Variants in KAT6B observed in about 807,000 individuals in gnomAD.
KAT6B encodes lysine acetyltransferase 6B.
Under a neutral mutation model 187.5 loss-of-function variants are expected in KAT6B, and 10 were observed. The observed-to-expected ratio is 0.05, with a 90% CI of 0.03 to 0.09. The LOEUF is 0.09. Among genes scored for constraint, KAT6B ranks in the 10% least tolerant of loss-of-function variants. KAT6B has a pLI of 1.00. For missense variants in KAT6B, 1,952 were observed against 2,558.9 expected, an observed-to-expected ratio of 0.76 and a Z score of 5.12; for synonymous variants, 861 against 926.8, an observed-to-expected ratio of 0.93 and a Z score of 1.29.
intron 3 of KAT6B, among the ~76,000 whole-genome samples, chr10:74,845,305 A>G (rs947831881): frequency 1.1e-4 from 17 of 151,970 alleles, no homozygotes; most frequent in African/African-American, 3.4e-4. Context: ...AGGTGGGCCA[A>G]TTGCCTGAGT....
chr10:74,999,301 C>T (rs979805858), intron 13 of KAT6B, among the ~76,000 whole-genome samples: 3 of 152,290 alleles, frequency 2.0e-5, no homozygotes, highest in Admixed American at 6.5e-5. Context: ...TTTCACTGTG[C>T]GTTTGGATGT....
chr10:74,899,455 A>G (rs1230562221), intron 3 of KAT6B, among the ~76,000 whole-genome samples: 2 of 151,716 alleles, frequency 1.3e-5, no homozygotes, highest in Non-Finnish European at 2.9e-5. Context: ...GTATATTTTT[A>G]GTAGAGATGG....
chr10:74,952,103 C>T (rs1241405489), intron 3 of KAT6B, among the ~76,000 whole-genome samples: 1 of 152,046 alleles, frequency 6.6e-6, no homozygotes, highest in Non-Finnish European at 1.5e-5. Flanking sequence ...ATCTGTAATC[C>T]CAGCACTTTG....
chr10:74,954,664 A>T (rs1276380064), intron 3 of KAT6B, among the ~76,000 whole-genome samples: 1 of 152,136 alleles, frequency 6.6e-6, no homozygotes, highest in East Asian at 1.9e-4. Context: ...TTCCTTCACT[A>T]GGTCATAATA....
chr10:74,941,768 C>T (rs1231784321), intron 3 of KAT6B, among the ~76,000 whole-genome samples: 2 of 152,184 alleles, frequency 1.3e-5, no homozygotes, highest in African/African-American at 2.4e-5. Flanking sequence ...TTTAACAATA[C>T]AAATGTTAAA....
chr10:74,939,706 A>G (rs1014390814), intron 3 of KAT6B, among the ~76,000 whole-genome samples: 2 of 152,094 alleles, frequency 1.3e-5, no homozygotes, highest in East Asian at 3.9e-4. Context: ...GCTGGAGTCT[A>G]TTTTTTAAAG....
At chr10:74,912,375 G>GATA (rs55816415) in intron 3 of KAT6B, among the ~76,000 whole-genome samples, 5,432 of 145,584 alleles carry the variant, frequency 0.037, 162 homozygotes, top group South Asian at 0.12. Flanking sequence ...ATGGATGGAT[G>GATA]GATAGATAGA....
In KAT6B at chr10:74,993,629, C is replaced by G. The variant is rs1171402017; in HGVS notation, c.2629+4517C>G. Among the ~76,000 whole-genome samples the G allele has an allele frequency of 3.3e-5, 5 of 152,318 alleles. No individual in the cohort carries two copies. The East Asian group carries it at 9.6e-4, about 29-fold the overall frequency. On this transcript the variant is annotated intron_variant, in intron 13 of 17. Coordinates refer to ENST00000287239, the MANE Select transcript of KAT6B (RefSeq NM_012330.4). ...CTTTCTGGAGGAAAAGAAAAATCTCCTACTCCAGGATCACATGGAGTATGT... is the reference window on the plus strand; with the variant it reads ...CTTTCTGGAGGAAAAGAAAAATCTCGTACTCCAGGATCACATGGAGTATGT...
At chr10:74,827,530 G>C (rs1554911061) in intron 1 of KAT6B, among the ~76,000 whole-genome samples, 1 of 152,114 alleles carries the variant, frequency 6.6e-6, no homozygotes. Flanking sequence ...TAAAAACGTG[G>C]AAGGATGGGA....
intron 3 of KAT6B, among the ~76,000 whole-genome samples, chr10:74,851,701 A>G (rs1420937722): frequency 6.6e-6 from 1 of 152,090 alleles, no homozygotes; most frequent in African/African-American, 2.4e-5. Flanking sequence ...GACCCTTGTT[A>G]TGTGTGGTCT....
At chr10:74,963,621 A>C (rs888713862) in intron 4 of KAT6B, among the ~76,000 whole-genome samples, 6 of 152,146 alleles carry the variant, frequency 3.9e-5, no homozygotes. Flanking sequence ...TTAACCCTGA[A>C]CAAAATTTGC....
intron 3 of KAT6B, among the ~76,000 whole-genome samples, chr10:74,955,846 A>C (rs1840651655): frequency 6.6e-6 from 1 of 152,186 alleles, no homozygotes; most frequent in Non-Finnish European, 1.5e-5. Context: ...GTAAAAGTCC[A>C]GAATCCAACC....
At chr10:74,838,163 C>G (rs1294628237) in intron 1 of KAT6B, among the ~76,000 whole-genome samples, 1 of 152,104 alleles carries the variant, frequency 6.6e-6, no homozygotes, top group African/African-American at 2.4e-5. Context: ...ATTATGTAAA[C>G]TGGTACGTTT....
intron 3 of KAT6B, among the ~76,000 whole-genome samples, chr10:74,869,296 G>A (rs1050674348): frequency 4.0e-5 from 6 of 151,090 alleles, no homozygotes; most frequent in Non-Finnish European, 4.4e-5. Context: ...CTTTTTAAAT[G>A]TTCTTTTTTG....
At chr10:74,885,986 C>T (rs558086301) in intron 3 of KAT6B, among the ~76,000 whole-genome samples, 177 of 152,278 alleles carry the variant, frequency 1.2e-3, no homozygotes, top group African/African-American at 4.1e-3. Flanking sequence ...CCACCTTGGC[C>T]TCCCAATGTC....
intron 3 of KAT6B, 63 bp downstream of exon 3, chr10:74,843,541 T>G: frequency 1.9e-6 from 3 of 1,588,632 alleles, no homozygotes; most frequent in South Asian, 2.2e-5. Flanking sequence ...ACGGTTTCAC[T>G]TAAGTTTTAT....
At chr10:74,957,846 A>T (rs934115767) in intron 3 of KAT6B, among the ~76,000 whole-genome samples, 2 of 152,224 alleles carry the variant, frequency 1.3e-5, no homozygotes, top group Non-Finnish European at 1.5e-5. Context: ...ATAACTATGG[A>T]TCCATAATTA....
rs573607196 is a variant in KAT6B at position 74,876,627 on chromosome 10, CT to C, written c.621+33153del. ...CAGTCTAATGCTTGATAAAAGAAAA[CT>C]TTTGGCTGGGTGTGGTGGCTCATGC... On this transcript the variant is annotated intron_variant, in intron 3 of 17. Transcript: ENST00000287239. Among the ~76,000 whole-genome samples, 3 of 151,992 alleles carry C rather than the reference CT, an allele frequency of 2.0e-5. No homozygotes were observed. The South Asian group carries it at 6.2e-4, about 31-fold the overall frequency.
intron 3 of KAT6B, among the ~76,000 whole-genome samples, chr10:74,925,622 T>C (rs1848443049): frequency 6.6e-6 from 1 of 152,154 alleles, no homozygotes. Context: ...AAGCAAATTA[T>C]TAAGGGGTGA....
Sources: allele counts gnomAD v4.1 joint callset (sites outside exome capture counted in the v4.1 genomes callset), GRCh38; gene constraint gnomAD v4.1.1; transcripts MANE v1.5; gene names NCBI Gene and HGNC (gene_info 2026-07-23, HGNC 2026-07-21).